Variants in AGPAT3 observed in about 807,000 individuals in gnomAD.
AGPAT3 encodes the protein 1-acylglycerol-3-phosphate O-acyltransferase 3.
In AGPAT3, 5 loss-of-function variants were observed where a neutral mutation model predicts 47.3. The observed-to-expected ratio is 0.11, with a 90% CI of 0.06 to 0.22. AGPAT3 has a LOEUF of 0.22. Ranked by LOEUF, AGPAT3 falls within the 10% of genes least tolerant of loss-of-function variation. The pLI is 1.00. For missense variants in AGPAT3, 315 were observed against 493.0 expected (o/e 0.64, Z 3.42); for synonymous variants, 212 against 208.3 (o/e 1.02, Z -0.15).
chr21:43,941,989 G>A (rs73906676), intron 2 of AGPAT3, among the ~76,000 whole-genome samples: 1 of 152,376 alleles, frequency 6.6e-6, no homozygotes, highest in African/African-American at 2.4e-5. Context: ...CCAGGTGGCA[G>A]GGGACTGGCT....
chr21:43,978,830 T>C (rs978980718), intron 8 of AGPAT3, among the ~76,000 whole-genome samples: 1 of 152,248 alleles, frequency 6.6e-6, no homozygotes, highest in African/African-American at 2.4e-5. Context: ...TCAGTTCTTA[T>C]TTCTTTCCCC....
At chr21:43,935,874 G>A (rs1460122178) in intron 2 of AGPAT3, among the ~76,000 whole-genome samples, 3 of 152,208 alleles carry the variant, frequency 2.0e-5, no homozygotes, top group African/African-American at 4.8e-5. Flanking sequence ...GCCAGGGCTC[G>A]GGGCTTGGGG....
chr21:43,874,093 T>A (rs1359358201), intron 1 of AGPAT3, among the ~76,000 whole-genome samples: 1 of 152,246 alleles, frequency 6.6e-6, no homozygotes, highest in Non-Finnish European at 1.5e-5. Flanking sequence ...TGGCGTGATC[T>A]CGGCTCACTG....
At chr21:43,891,718 A>G (rs559376772) in intron 1 of AGPAT3, among the ~76,000 whole-genome samples, 3 of 151,584 alleles carry the variant, frequency 2.0e-5, no homozygotes, top group Non-Finnish European at 2.9e-5. Flanking sequence ...TTCAGACCCC[A>G]CTAATAATTC....
rs376695929 is a variant in AGPAT3, at chr21:43,952,121, C to T, written c.-48-7513C>T. Among the ~76,000 whole-genome samples the T allele has an allele frequency of 5.3e-4, 81 of 152,164 alleles. 2 individuals are homozygous for T. In the Middle Eastern group the frequency reaches 0.02, roughly 38 times the overall value. On this transcript the variant is annotated intron_variant, in intron 2 of 9. Coordinates refer to ENST00000291572, the MANE Select transcript of AGPAT3 (RefSeq NM_020132.5). This position sits in a 1 kb window ranked among gnomAD's most constrained non-coding sequence, Gnocchi z 5.6. ...CCAGAACTACGGACCTGGGATGAGG[C>T]GGCCTGTGAGTGCGATTGGGCTGTG... is the stretch of plus-strand genomic sequence containing the variant.
chr21:43,913,521 G>A (rs570051947), intron 2 of AGPAT3, among the ~76,000 whole-genome samples: 22 of 152,276 alleles, frequency 1.4e-4, no homozygotes, highest in Middle Eastern at 3.4e-3. Context: ...CAAAGGTGGA[G>A]GTTGCAGTGA....
intron 2 of AGPAT3, among the ~76,000 whole-genome samples, chr21:43,919,230 A>G (rs2086833847): frequency 6.6e-6 from 1 of 151,344 alleles, no homozygotes; most frequent in African/African-American, 2.4e-5. Context: ...CAGGTTCTTT[A>G]GTGGCGAATT....
intron 2 of AGPAT3, among the ~76,000 whole-genome samples, chr21:43,949,954 A>G (rs1431864068): frequency 6.6e-6 from 1 of 152,094 alleles, no homozygotes; most frequent in African/African-American, 2.4e-5. Flanking sequence ...CTTGCATCCT[A>G]CTTGCCGTAG....
At chr21:43,887,708 G>T (rs967661833) in intron 1 of AGPAT3, among the ~76,000 whole-genome samples, 10 of 152,242 alleles carry the variant, frequency 6.6e-5, no homozygotes, top group African/African-American at 2.4e-4. Context: ...AGGCTGGAGT[G>T]TAGTGGCGTG....
chr21:43,921,692 C>A (rs2086895392), intron 2 of AGPAT3, among the ~76,000 whole-genome samples: 1 of 152,188 alleles, frequency 6.6e-6, no homozygotes, highest in Non-Finnish European at 1.5e-5. Context: ...TTTTGTGGTG[C>A]CTTTGAAGTC....
chr21:43,983,004 C>A lies in AGPAT3; in HGVS notation c.*612C>A, dbSNP rs1381897908. 1.3e-5 allele frequency: 2 copies of A among 152,680 alleles called. No individual in the cohort carries two copies. The highest frequency in any genetic ancestry group is 1.3e-4 in the Admixed American group (2 of 15,324). 9.5% of individuals were successfully genotyped at this position (152,680 alleles called of 1,614,324 possible). ...TGTCCTGGGGCTGGCTGAGGGCGAA[C>A]GCCCCACCTCACTTTCTAGAGCCCT... On this transcript the variant is annotated 3_prime_UTR_variant, in exon 10 of 10. Coordinates refer to ENST00000291572, the MANE Select transcript of AGPAT3 (RefSeq NM_020132.5).
At chr21:43,937,066 T>A (rs2087473118) in intron 2 of AGPAT3, among the ~76,000 whole-genome samples, 1 of 152,232 alleles carries the variant, frequency 6.6e-6, no homozygotes, top group Admixed American at 6.5e-5. Context: ...ATGGTAGCCA[T>A]GTTTGCTTTA....
At chr21:43,897,829 T>A (rs13048569) in intron 1 of AGPAT3, among the ~76,000 whole-genome samples, 1 of 152,158 alleles carries the variant, frequency 6.6e-6, no homozygotes, top group Admixed American at 6.5e-5. Context: ...AGATCACGCC[T>A]CTGCACTCCA....
chr21:43,985,502 T>C lies in AGPAT3; in HGVS notation c.*3110T>C, dbSNP rs1397961086. On this transcript the variant is annotated 3_prime_UTR_variant, in exon 10 of 10. Coordinates refer to ENST00000291572, the MANE Select transcript of AGPAT3 (RefSeq NM_020132.5). ...GTGGCATGAGAATCTTTCCTCACGC[T>C]GTTCGTTGCGGTATTGCTGAGCATT... 6.3e-6 allele frequency: 2 copies of C among 315,966 alleles called. No individual in the cohort carries two copies. The highest frequency in any genetic ancestry group is 4.8e-5 in the Admixed American group (1 of 20,836). 19.6% of individuals were successfully genotyped at this position (315,966 alleles called of 1,614,324 possible). A position where few individuals can be genotyped will look rare whatever the true frequency, so the allele number is the denominator to read the frequency against.
chr21:43,960,927 G>A (rs1569094128), intron 3 of AGPAT3: 2 of 228,872 alleles, frequency 8.7e-6, no homozygotes, highest in Non-Finnish European at 1.4e-5. Flanking sequence ...GATCACCTGA[G>A]GTCAGGAGTT....
intron 1 of AGPAT3, among the ~76,000 whole-genome samples, chr21:43,892,389 A>G (rs745534647): frequency 5.3e-5 from 8 of 152,194 alleles, no homozygotes; most frequent in Non-Finnish European, 8.8e-5. Flanking sequence ...GTATGAAAGC[A>G]ACATTCATCT....
chr21:43,870,307 T>G, intron 1 of AGPAT3, among the ~76,000 whole-genome samples: 1 of 152,172 alleles, frequency 6.6e-6, no homozygotes, highest in Non-Finnish European at 1.5e-5. Flanking sequence ...TTCTAGAACA[T>G]TGGTTAGAAA....
chr21:43,971,519 C>A (rs765719332), intron 7 of AGPAT3, 29 bp downstream of exon 7: 1 of 1,604,102 alleles, frequency 6.2e-7, no homozygotes, highest in Non-Finnish European at 8.5e-7. Flanking sequence ...GCTCTCGCGC[C>A]GCCCCCCATA....
Position 43,932,826 on chromosome 21 carries a change from G to T in AGPAT3, c.-48-26808G>T, listed in dbSNP as rs573567259. 3.9e-5 allele frequency among the ~76,000 whole-genome samples: 6 copies of T among 152,206 alleles called. No individual in the cohort carries two copies. The East Asian group carries it at 1.2e-3, about 29-fold the overall frequency. ...CCACCATGCCGGGCTAATTTTGTAT[G>T]TTTAGTAGAGATGGGGTTTCACCAT... On this transcript the variant is annotated intron_variant, in intron 2 of 9. Transcript: ENST00000291572. This position sits in a 1 kb window ranked among gnomAD's most constrained non-coding sequence, Gnocchi z 5.2.
Sources: gnomAD v4.1 joint callset for allele counts (sites outside exome capture counted in the v4.1 genomes callset) on GRCh38, gnomAD v4.1.1 for gene constraint, Gnocchi (gnomAD v3.1) non-coding constraint, MANE v1.5 for transcripts, NCBI Gene and HGNC (gene_info 2026-07-23, HGNC 2026-07-21) for gene names.